Variants in PDE1A observed in about 807,000 individuals in gnomAD.
PDE1A encodes the protein dual specificity calcium/calmodulin-dependent 3',5'-cyclic nucleotide phosphodiesterase 1A.
A neutral mutation model predicts 61.7 loss-of-function variants in PDE1A; 35 were observed. The ratio of observed to expected loss-of-function variants is 0.57; its 90% CI spans 0.43 to 0.75. PDE1A has a LOEUF of 0.75. Among genes scored for constraint, PDE1A ranks in the 30% least tolerant of loss-of-function variants. The pLI is 0.00. For missense variants in PDE1A, 597 were observed against 630.6 expected (o/e 0.95, Z 0.57); for synonymous variants, 232 against 213.2 (o/e 1.09, Z -0.77).
chr2:182,532,965 A>C, the PDE1A span, among the ~76,000 whole-genome samples: 1 of 149,582 alleles, frequency 6.7e-6, no homozygotes, highest in African/African-American at 2.4e-5. Flanking sequence ...AAAAAAAAAA[A>C]AAAAAAAACA....
chr2:182,440,381 CA>C (rs1559465568), intron 2 of PDE1A, among the ~76,000 whole-genome samples: 1 of 151,988 alleles, frequency 6.6e-6, no homozygotes, highest in Non-Finnish European at 1.5e-5. Flanking sequence ...ACGCAATTAT[CA>C]AAAACTCTAA....
the PDE1A span, among the ~76,000 whole-genome samples, chr2:182,594,109 A>C: frequency 6.6e-6 from 1 of 152,234 alleles, no homozygotes; most frequent in African/African-American, 2.4e-5. Flanking sequence ...CTGAAATAAT[A>C]AGGTGAGATT....
chr2:182,678,315 C>T, the PDE1A span, among the ~76,000 whole-genome samples: 70 of 152,084 alleles, frequency 4.6e-4, no homozygotes, highest in African/African-American at 1.7e-3. Context: ...CCCAGCTACT[C>T]GGGAGGCTGA....
intron 3 of PDE1A, among the ~76,000 whole-genome samples, chr2:182,239,650 T>C (rs1261180450): frequency 6.6e-6 from 1 of 151,662 alleles, no homozygotes; most frequent in Non-Finnish European, 1.5e-5. Flanking sequence ...ATGAGAGAGA[T>C]TTCCTCCATT....
the PDE1A span, among the ~76,000 whole-genome samples, chr2:182,597,587 G>A: frequency 2.6e-5 from 4 of 152,104 alleles, no homozygotes; most frequent in East Asian, 1.9e-4. Flanking sequence ...TAGAGAGACC[G>A]TTTCCACAAT....
chr2:182,290,736 G>A (rs1251354568), intron 1 of PDE1A, among the ~76,000 whole-genome samples: 2 of 151,724 alleles, frequency 1.3e-5, no homozygotes, highest in Non-Finnish European at 2.9e-5. Context: ...TGTTGTCGAG[G>A]GTTCTATTGT....
At chr2:182,497,372 G>A (rs1688780182) in intron 2 of PDE1A, among the ~76,000 whole-genome samples, 2 of 152,216 alleles carry the variant, frequency 1.3e-5, no homozygotes. Context: ...GAAGGCACCA[G>A]GTATCACAGC....
chr2:182,714,763 T>G, the PDE1A span, among the ~76,000 whole-genome samples: 2 of 152,132 alleles, frequency 1.3e-5, no homozygotes, highest in Non-Finnish European at 2.9e-5. Context: ...TTCACCACGT[T>G]GGCCAGGCTG....
chr2:182,153,119 T>C (rs921156171), intron 13 of PDE1A, among the ~76,000 whole-genome samples: 1 of 152,086 alleles, frequency 6.6e-6, no homozygotes. Flanking sequence ...AATGAAAAAT[T>C]TATATGTATA....
intron 2 of PDE1A, among the ~76,000 whole-genome samples, chr2:182,248,261 A>G (rs1241839096): frequency 6.6e-6 from 1 of 150,786 alleles, no homozygotes; most frequent in Non-Finnish European, 1.5e-5. Context: ...TCAAAAAAAA[A>G]AAAAAAAGAA....
chr2:182,574,214 G>A, the PDE1A span, among the ~76,000 whole-genome samples: 5 of 151,982 alleles, frequency 3.3e-5, no homozygotes, highest in Non-Finnish European at 5.9e-5. Context: ...ATATCCGCTG[G>A]CAGCTGATTA....
intron 1 of PDE1A, among the ~76,000 whole-genome samples, chr2:182,384,488 T>TAATAATAATAATAAA (rs1553606062): frequency 7.0e-6 from 1 of 143,762 alleles, no homozygotes; most frequent in East Asian, 2.2e-4. Flanking sequence ...ATAATAATAA[T>TAATAATAATAATAAA]AAAATAGAAA....
downstream of PDE1A, among the ~76,000 whole-genome samples, chr2:182,163,398 G>A (rs993048516): frequency 6.6e-6 from 1 of 152,122 alleles, no homozygotes; most frequent in Non-Finnish European, 1.5e-5. Flanking sequence ...ATTTTGCAGG[G>A]ATCCTGATTG....
At chr2:182,693,471 C>A in the PDE1A span, among the ~76,000 whole-genome samples, 2 of 152,088 alleles carry the variant, frequency 1.3e-5, no homozygotes, top group East Asian at 1.9e-4. Flanking sequence ...TGCATAACTT[C>A]TTTGCATAAA....
chr2:182,277,961 C>T (rs537901861), intron 1 of PDE1A, among the ~76,000 whole-genome samples: 3 of 152,022 alleles, frequency 2.0e-5, no homozygotes, highest in African/African-American at 4.8e-5. Context: ...CTGTCAAGTA[C>T]CATCCTCCAC....
At chr2:182,699,949 T>G in the PDE1A span, among the ~76,000 whole-genome samples, 1 of 152,248 alleles carries the variant, frequency 6.6e-6, no homozygotes, top group Non-Finnish European at 1.5e-5. Flanking sequence ...ATCACTGCTC[T>G]TGACCATGAG....
At chr2:182,626,673 T>C in the PDE1A span, among the ~76,000 whole-genome samples, 275 of 112,366 alleles carry the variant, frequency 2.4e-3, 6 homozygotes, top group Admixed American at 0.012. Context: ...TCCTAATATG[T>C]AATTGCCTTC....
At chr2:182,345,370 G>C (rs1698456769) in intron 1 of PDE1A, among the ~76,000 whole-genome samples, 1 of 152,106 alleles carries the variant, frequency 6.6e-6, no homozygotes, top group Admixed American at 6.5e-5. Flanking sequence ...CCAGGACTTA[G>C]GACACAATTT....
At chr2:182,694,359 CAG>C in the PDE1A span, among the ~76,000 whole-genome samples, 4 of 152,138 alleles carry the variant, frequency 2.6e-5, no homozygotes, top group East Asian at 5.8e-4. Context: ...GCCAGTACTG[CAG>C]AGTCTTGATG....
Sources: gnomAD v4.1 joint callset for allele counts (sites outside exome capture counted in the v4.1 genomes callset) on GRCh38, gnomAD v4.1.1 for gene constraint, MANE v1.5 for transcripts, NCBI Gene and HGNC (gene_info 2026-07-23, HGNC 2026-07-21) for gene names.